Variants in OLFML2A observed in about 807,000 individuals in gnomAD.
OLFML2A encodes olfactomedin like 2A.
OLFML2A carries 47 observed loss-of-function variants against 60.9 expected under a neutral mutation model. The ratio of observed to expected loss-of-function variants is 0.77; its 90% CI spans 0.61 to 0.98. The LOEUF is 0.98. OLFML2A is among the 50% of genes least tolerant of loss of function. The pLI is 0.00. For missense variants in OLFML2A, 922 were observed against 879.8 expected (o/e 1.05, Z -0.61); for synonymous variants, 372 against 375.0 (o/e 0.99, Z 0.09).
At chr9:124,782,416 A>T (rs1255368666) in intron 1 of OLFML2A, among the ~76,000 whole-genome samples, 1 of 152,226 alleles carries the variant, frequency 6.6e-6, no homozygotes, top group Non-Finnish European at 1.5e-5. Flanking sequence ...CTTAGAGAGC[A>T]GCTCTTCTGT....
chr9:124,777,440 A>G lies in OLFML2A; in HGVS notation c.90+80A>G. The stretch of plus-strand genomic sequence containing the variant: ...CGCTGTGGCTGGGGTGCGGCCCGGG[A>G]GGGAGCCCGGGGCCAGGGCGGAGGA... On this transcript the variant is annotated intron_variant, in intron 1 of 7. Coordinates refer to ENST00000373580, the MANE Select transcript of OLFML2A (RefSeq NM_182487.4). The surrounding 1 kb of genome is among the most constrained non-coding windows in gnomAD (Gnocchi z 6.2). 12 of 1,200,702 alleles carry G rather than the reference A, an allele frequency of 1.0e-5. No individual in the cohort carries two copies. The highest frequency in any genetic ancestry group is 3.2e-5 in the African/African-American group (2 of 63,180). 74.4% of individuals were successfully genotyped at this position (1,200,702 alleles called of 1,614,324 possible).
chr9:124,799,927 G>T (rs753906554), intron 4 of OLFML2A, among the ~76,000 whole-genome samples: 5 of 152,156 alleles, frequency 3.3e-5, no homozygotes, highest in African/African-American at 4.8e-5. Context: ...CCTGCAGACT[G>T]ATACCCATTC....
chr9:124,808,044 C>A, intron 7 of OLFML2A, 78 bp downstream of exon 7: 1 of 1,128,670 alleles, frequency 8.9e-7, no homozygotes. Flanking sequence ...CTTGGCCTTC[C>A]TTGCCTTGTG....
At chr9:124,806,454 A>G (rs1841898309) in intron 6 of OLFML2A, among the ~76,000 whole-genome samples, 1 of 151,998 alleles carries the variant, frequency 6.6e-6, no homozygotes, top group Admixed American at 6.6e-5. Flanking sequence ...AAATTCAAGT[A>G]TACAGTATGT....
At chr9:124,803,510 C>T (rs888188206) in intron 5 of OLFML2A, among the ~76,000 whole-genome samples, 18 of 152,098 alleles carry the variant, frequency 1.2e-4, no homozygotes, top group African/African-American at 3.9e-4. Flanking sequence ...AGCGATCTGC[C>T]GGCCTCAGCC....
chr9:124,792,791 C>A (rs72763321), intron 2 of OLFML2A, among the ~76,000 whole-genome samples: 34 of 152,348 alleles, frequency 2.2e-4, no homozygotes, highest in Non-Finnish European at 4.1e-4. Flanking sequence ...CAGTGCTGAG[C>A]TCTGTCCATA....
chr9:124,810,241 C>T lies in OLFML2A; in HGVS notation c.1788C>T (p.Gly596=). ...YAVDTYNQQE[G]QVAYAFDTHT... is the part of the protein sequence containing the mutation. ...TGGACACGTACAACCAGCAGGAAGG[C>T]CAGGTCGCCTACGCTTTCGACACGC... Residue 596 remains glycine (G), a synonymous_variant, in exon 8 of 8, where the codon GGC becomes GGT. Coordinates refer to ENST00000373580, the MANE Select transcript of OLFML2A (RefSeq NM_182487.4). 2.5e-6 allele frequency: 4 copies of T among 1,613,142 alleles called. No homozygotes were observed. The highest frequency in any genetic ancestry group is 3.4e-6 in the Non-Finnish European group (4 of 1,180,004).
At chr9:124,789,451 T>C (rs1588880943) in intron 2 of OLFML2A, among the ~76,000 whole-genome samples, 1 of 152,212 alleles carries the variant, frequency 6.6e-6, no homozygotes. Flanking sequence ...CCAATTGCCA[T>C]GGGCTAATGC....
In OLFML2A at chr9:124,777,363, A is replaced by G. The variant is rs1841277149; in HGVS notation, c.90+3A>G. 7.8e-7 allele frequency: 1 copy of G among 1,275,198 alleles called. No homozygotes were observed. The highest frequency in any genetic ancestry group is 1.5e-5 in the African/African-American group (1 of 64,772). 79.0% of individuals were successfully genotyped at this position (1,275,198 alleles called of 1,614,324 possible). On this transcript the variant is annotated splice_donor_region_variant and intron_variant, in intron 1 of 7. Transcript: ENST00000373580. This position sits in a 1 kb window ranked among gnomAD's most constrained non-coding sequence, Gnocchi z 6.2. ...GCCCCACGCGCGCCGACAGTAAGGT[A>G]CGCACGCCCCTCGGACCCGCGCGGC... is the stretch of plus-strand genomic sequence containing the variant.
At chr9:124,803,100 G>A (rs1841813372) in intron 5 of OLFML2A, among the ~76,000 whole-genome samples, 1 of 151,912 alleles carries the variant, frequency 6.6e-6, no homozygotes, top group African/African-American at 2.4e-5. Flanking sequence ...GTAGAGACGG[G>A]GTTTCGTCAT....
intron 4 of OLFML2A, chr9:124,800,849 A>G: frequency 7.0e-7 from 1 of 1,433,338 alleles, no homozygotes; most frequent in South Asian, 1.4e-5. Flanking sequence ...AGTGAAAATA[A>G]CAAAACACAA....
chr9:124,784,113 C>CA (rs1398879146), intron 1 of OLFML2A, among the ~76,000 whole-genome samples: 1 of 152,018 alleles, frequency 6.6e-6, no homozygotes, highest in African/African-American at 2.4e-5. Flanking sequence ...GGGAGAGTAT[C>CA]AACTCACATG....
intron 2 of OLFML2A, among the ~76,000 whole-genome samples, chr9:124,788,396 A>G (rs1841517792): frequency 6.6e-6 from 1 of 152,134 alleles, no homozygotes; most frequent in Admixed American, 6.5e-5. Context: ...TCACGAGGTC[A>G]GGAGCTCAAG....
Position 124,801,668 on chromosome 9 carries a change from G to A in OLFML2A, c.919+5G>A, listed in dbSNP as rs1045230658. 8 of 1,611,694 alleles carry A rather than the reference G, an allele frequency of 5.0e-6. No individual in the cohort carries two copies. In the African/African-American group the frequency reaches 1.1e-4, roughly 22 times the overall value. ...AGGTGACCGAGGCGGTGGCAGGTGA[G>A]TAGGAGGGGAATGGGGACCCTGGGG... On this transcript the variant is annotated splice_donor_5th_base_variant and intron_variant, in intron 5 of 7. Transcript: ENST00000373580.
In OLFML2A at chr9:124,810,095, A is replaced by G; in HGVS notation, c.1642A>G (p.Ile548Val). The change falls in exon 8 of 8, where the codon ATC (isoleucine) becomes GTC (valine). Residue 548 changes from isoleucine to valine, a missense_variant. By Grantham distance (29) the Ile-to-Val change is conservative. Coordinates refer to ENST00000373580, the MANE Select transcript of OLFML2A (RefSeq NM_182487.4). ...CCGCGATGAGGCCCAGCCCGAGGTG[A>G]TCGTCCTGAGTCGCTTGGACCCCGG... Reference protein sequence around the residue: ...DDRDEAQPEVIVLSRLDPGDL... With the variant: ...DDRDEAQPEVVVLSRLDPGDL... The G allele has an allele frequency of 6.2e-7, 1 of 1,613,748 alleles. No individual in the cohort carries two copies. Among genetic ancestry groups the G allele is most frequent in the Non-Finnish European group, 8.5e-7 (1 of 1,179,990 alleles).
chr9:124,808,048 C>T (rs1265605475), intron 7 of OLFML2A, 82 bp downstream of exon 7: 1 of 1,072,562 alleles, frequency 9.3e-7, no homozygotes, highest in African/African-American at 1.6e-5. Context: ...GCCTTCCTTG[C>T]CTTGTGGGTT....
In OLFML2A at chr9:124,810,406, G is replaced by T. The variant is rs773894071; in HGVS notation, c.1953G>T (p.Val651=). ...AGCTCACCTACACCCTCCACTTCGT[G>T]GTCTGAGTGGAGACCTGTGCTCCCC... ...GHQLTYTLHF[V]V The change falls in exon 8 of 8, where the codon GTG becomes GTT. Residue 651 remains valine (V), a synonymous_variant. Coordinates refer to ENST00000373580, the MANE Select transcript of OLFML2A (RefSeq NM_182487.4). 1.3e-6 allele frequency: 2 copies of T among 1,594,620 alleles called. No individual in the cohort carries two copies.
chr9:124,791,747 A>G (rs1841571951), intron 2 of OLFML2A, among the ~76,000 whole-genome samples: 1 of 151,666 alleles, frequency 6.6e-6, no homozygotes, highest in Admixed American at 6.6e-5. Context: ...CAAAAAAAAA[A>G]AAAAAAAAAA....
chr9:124,800,716 A>G lies in OLFML2A; in HGVS notation c.670-698A>G, dbSNP rs928044316. The G allele has an allele frequency of 6.7e-5, 32 of 478,760 alleles. No individual in the cohort carries two copies. In the East Asian group the frequency reaches 7.5e-4, roughly 11 times the overall value. The allele number at this position is 478,760 out of a possible 1,614,324, so 29.7% of individuals were successfully genotyped here. A position where few individuals can be genotyped will look rare whatever the true frequency, so the allele number is the denominator to read the frequency against. ...GGCGAGAATGAAGCGTGTTTTGGCA[A>G]TGGTGCAGAAGGCACCCAGCTACTG... is the stretch of plus-strand genomic sequence containing the variant. On this transcript the variant is annotated intron_variant, in intron 4 of 7. Transcript: ENST00000373580.
Sources: allele counts gnomAD v4.1 joint callset (sites outside exome capture counted in the v4.1 genomes callset), GRCh38; gene constraint gnomAD v4.1.1; non-coding constraint Gnocchi (gnomAD v3.1); transcripts MANE v1.5; gene names NCBI Gene and HGNC (gene_info 2026-07-23, HGNC 2026-07-21).